HMGCS2: variants seen among roughly 807,000 people sequenced by gnomAD.
The protein encoded by HMGCS2 is hydroxymethylglutaryl-CoA synthase, mitochondrial.
Under a neutral mutation model 57.4 loss-of-function variants are expected in HMGCS2, and 50 were observed. The observed-to-expected ratio is 0.87, with a 90% confidence interval of 0.69 to 1.10. The LOEUF is 1.10. HMGCS2 is among the 50% of genes least tolerant of loss of function. HMGCS2 has a pLI of 0.00. For missense variants in HMGCS2, 627 were observed against 636.5 expected (o/e 0.99, Z 0.16); for synonymous variants, 254 against 245.1 (o/e 1.04, Z -0.34).
At position 119,757,267 on chromosome 1, in the gene HMGCS2, A is replaced by G. The variant is rs773853540; in HGVS notation, c.1016+6T>C. 1 of 1,613,988 alleles carries G rather than the reference A, an allele frequency of 6.2e-7. No individual in the cohort carries two copies. The highest frequency in any genetic ancestry group is 1.1e-5 in the South Asian group (1 of 91,076). On this transcript the variant is annotated splice_donor_region_variant and intron_variant, in intron 5 of 9. Coordinates refer to ENST00000369406, the MANE Select transcript of HMGCS2 (RefSeq NM_005518.4). ...AGCCTCTAGGCTCCCCAAGAAGAGA[A>G]CTCACCCGAAAGCCTCCAGCCCCTT... is the stretch of plus-strand genomic sequence containing the variant.
intron 1 of HMGCS2, among the ~76,000 whole-genome samples, chr1:119,767,000 C>G (rs1653252760): frequency 6.6e-6 from 1 of 152,184 alleles, no homozygotes; most frequent in Admixed American, 6.5e-5. Context: ...TTGCCCACTT[C>G]AAGAACATGC....
intron 6 of HMGCS2, 59 bp from the exon 7 acceptor site, chr1:119,753,445 A>T: frequency 2.5e-6 from 2 of 803,926 alleles, no homozygotes; most frequent in South Asian, 2.8e-5. Flanking sequence ...ACACACACAC[A>T]CATATATGTA....
At position 119,764,457 on chromosome 1, in the gene HMGCS2, G is replaced by C. The variant is rs771955824; in HGVS notation, c.274C>G (p.Arg92Gly). 403 of 1,612,954 alleles carry C rather than the reference G, an allele frequency of 2.5e-4. No homozygotes were observed. Among genetic ancestry groups the C allele is most frequent in the Non-Finnish European group, 3.1e-4 (366 of 1,179,082 alleles). Residue 92 changes from arginine to glycine, a missense_variant, in exon 2 of 10, where the codon CGT becomes GGT. Transcript: ENST00000369406. ...GKYTVGLGQT[R>G]MGFCSVQEDI... The stretch of plus-strand genomic sequence containing the variant: ...TCTTGGACTGAGCAGAAGCCCATAC[G>C]GGTCTGGCCCAAGCCCACTGTATAC...
At chr1:119,766,316 T>C (rs996449381) in intron 1 of HMGCS2, among the ~76,000 whole-genome samples, 3 of 152,248 alleles carry the variant, frequency 2.0e-5, no homozygotes, top group African/African-American at 7.2e-5. Context: ...GTGTTAGAAA[T>C]ACTCTGTCCC....
chr1:119,763,167 G>A (rs587750176), intron 2 of HMGCS2, among the ~76,000 whole-genome samples: 31 of 152,216 alleles, frequency 2.0e-4, no homozygotes, highest in African/African-American at 6.5e-4. Flanking sequence ...GTAATTGCAC[G>A]GTCTTGCTGC....
chr1:119,750,770 C>A (rs1049272825), intron 9 of HMGCS2, 27 bp downstream of exon 9: 13 of 1,445,192 alleles, frequency 9.0e-6, no homozygotes, highest in Non-Finnish European at 1.3e-5. Context: ...GGGTTTTATG[C>A]CACCAACTCT....
At chr1:119,762,673 G>A (rs947837317) in intron 2 of HMGCS2, among the ~76,000 whole-genome samples, 11 of 152,160 alleles carry the variant, frequency 7.2e-5, no homozygotes, top group African/African-American at 2.7e-4. Flanking sequence ...ACTGTCACCT[G>A]CAGGGTATGT....
At chr1:119,759,807 G>A (rs979976758) in intron 3 of HMGCS2, 57 bp downstream of exon 3, 5 of 1,606,140 alleles carry the variant, frequency 3.1e-6, no homozygotes, top group Non-Finnish European at 4.3e-6. Flanking sequence ...TGTGGGATTA[G>A]GATCTATGTT....
chr1:119,764,866 C>A (rs1653166539), intron 1 of HMGCS2, among the ~76,000 whole-genome samples: 1 of 152,174 alleles, frequency 6.6e-6, no homozygotes, highest in Non-Finnish European at 1.5e-5. Context: ...GTCGATATAG[C>A]TACACTAGCT....
chr1:119,753,383 G>A lies in HMGCS2; in HGVS notation c.1191C>T (p.His397=). 1.3e-6 allele frequency: 2 copies of A among 1,582,460 alleles called. No homozygotes were observed. Among genetic ancestry groups the A allele is most frequent in the East Asian group, 2.2e-5 (1 of 44,724 alleles). The change falls in exon 7 of 10, where the codon CAC becomes CAT. Residue 397 remains histidine (H), a synonymous_variant. Transcript: ENST00000369406. ...TGGAGCCAGCCAGTTCTTGGGCAGA[G>A]TGGCTGTGGGGAAAGAAATCAAATA... ...YGCLASLLSH[H]SAQELAGSRI... is the part of the protein sequence containing the mutation.
At chr1:119,766,651 C>A (rs3828089) in intron 1 of HMGCS2, among the ~76,000 whole-genome samples, 1 of 152,050 alleles carries the variant, frequency 6.6e-6, no homozygotes, top group Admixed American at 6.5e-5. Flanking sequence ...TCCCCAGTAC[C>A]CGGGAGCTAA....
rs756539895 is a variant in HMGCS2 at position 119,750,831 on chromosome 1, G to A, written c.1498C>T (p.Arg500Cys). ...WYLERVDEQH[R>C]RKYARRPV is the part of the protein sequence containing the mutation. ...ACGGGACGCCGGGCATACTTTCGGC[G>A]ATGCTGCTCGTCCACTCGCTCCAGG... Residue 500 changes from arginine to cysteine, a missense_variant, in exon 9 of 10, where the codon CGC (arginine) becomes TGC (cysteine). Physicochemically the swap from Arg to Cys is radical, Grantham distance 180. Transcript: ENST00000369406. The A allele has an allele frequency of 1.9e-5, 30 of 1,613,780 alleles. No individual in the cohort carries two copies. The highest frequency in any genetic ancestry group is 6.7e-5 in the East Asian group (3 of 44,898).
rs1652885997 is a variant in HMGCS2 at position 119,757,441 on chromosome 1, G to A, written c.851-3C>T. On this transcript the variant is annotated splice_region_variant and splice_polypyrimidine_tract_variant and intron_variant, in intron 4 of 9. Coordinates refer to ENST00000369406, the MANE Select transcript of HMGCS2 (RefSeq NM_005518.4). The stretch of plus-strand genomic sequence containing the variant: ...GGTGAAGGGTCGATCGCTGCCAGCT[G>A]GAAGAGGAAGCGTGAAGGCAAGGAT... 3 of 1,613,746 alleles carry A rather than the reference G, an allele frequency of 1.9e-6. No homozygotes were observed. The highest frequency in any genetic ancestry group is 1.1e-5 in the South Asian group (1 of 91,066).
In HMGCS2 at chr1:119,750,779, C is replaced by G. The variant is rs759044996; in HGVS notation, c.*5+18G>C. ...ACATTAGGGTTTTATGCCACCAACT[C>G]TGCAAACTCTCACTCACCACCTTTA... is the stretch of plus-strand genomic sequence containing the variant. On this transcript the variant is annotated intron_variant, in intron 9 of 9. Transcript: ENST00000369406. The G allele has an allele frequency of 9.1e-6, 14 of 1,543,000 alleles. No homozygotes were observed. The African/African-American group carries it at 1.2e-4, about 14-fold the overall frequency.
chr1:119,753,322 C>A lies in HMGCS2; in HGVS notation c.1252G>T (p.Ala418Ser). 4 of 1,613,726 alleles carry A rather than the reference C, an allele frequency of 2.5e-6. No individual in the cohort carries two copies. Among genetic ancestry groups the A allele is most frequent in the Non-Finnish European group, 3.4e-6 (4 of 1,179,868 alleles). ...GAFSYGSGLA[A>S]SFFSFRVSQD... ...GATACTCGAAATGAAAAGAAACTTGCTGCTAAACCAGAGCCATAAGAGAAG... is the reference window on the plus strand; with the variant it reads ...GATACTCGAAATGAAAAGAAACTTGATGCTAAACCAGAGCCATAAGAGAAG... Residue 418 changes from alanine (A) to serine (S), a missense_variant, in exon 7 of 10, where the codon GCA (alanine) becomes TCA (serine). Coordinates refer to ENST00000369406, the MANE Select transcript of HMGCS2 (RefSeq NM_005518.4).
intron 2 of HMGCS2, among the ~76,000 whole-genome samples, chr1:119,762,687 C>T (rs909108254): frequency 2.6e-5 from 4 of 152,182 alleles, no homozygotes; most frequent in Admixed American, 2.0e-4. Flanking sequence ...GGTATGTAGT[C>T]CGAGTGTCCA....
At position 119,749,399 on chromosome 1, in the gene HMGCS2, C is replaced by A. The variant is rs587701555; in HGVS notation, c.*6-558G>T. Among the ~76,000 whole-genome samples, 30 of 94,000 alleles carry A rather than the reference C, an allele frequency of 3.2e-4. No individual in the cohort carries two copies. The East Asian group carries it at 7.1e-3, about 22-fold the overall frequency. The allele number at this position is 94,000 out of a possible 152,430, so 61.7% of individuals were successfully genotyped here. ...ACCTCTCTCTCTCCCTTTCCCCCCTCCCTCCCTATTTCTCCCACTCTTCTT... is the reference window on the plus strand; with the variant it reads ...ACCTCTCTCTCTCCCTTTCCCCCCTACCTCCCTATTTCTCCCACTCTTCTT... On this transcript the variant is annotated intron_variant, in intron 9 of 9. Coordinates refer to ENST00000369406, the MANE Select transcript of HMGCS2 (RefSeq NM_005518.4).
At chr1:119,749,228 C>T (rs1376431139) in intron 9 of HMGCS2, among the ~76,000 whole-genome samples, 1 of 152,100 alleles carries the variant, frequency 6.6e-6, no homozygotes, top group African/African-American at 2.4e-5. Context: ...GTCAAGAGTT[C>T]CAGCTTTTTT....
intron 3 of HMGCS2, 131 bp downstream of exon 3, chr1:119,759,733 T>C (rs1652972260): frequency 8.7e-7 from 1 of 1,144,502 alleles, no homozygotes. Context: ...AGACCAGCCC[T>C]TTTTAGAGGC....
Sources: allele counts gnomAD v4.1 joint callset (sites outside exome capture counted in the v4.1 genomes callset), GRCh38; gene constraint gnomAD v4.1.1; transcripts MANE v1.5; gene names NCBI Gene and HGNC (gene_info 2026-07-23, HGNC 2026-07-21).